The following HAO2 variants were observed in gnomAD, a reference collection of about 807,000 sequenced individuals.
HAO2 encodes the protein 2-Hydroxyacid oxidase 2.
In HAO2, 42 loss-of-function variants were observed where a neutral mutation model predicts 37.4. The observed-to-expected ratio is 1.12, with a 90% confidence interval of 0.88 to 1.45. The LOEUF is 1.45. Among genes scored for constraint, HAO2 ranks in the 40% most tolerant of loss-of-function variants. The probability of loss-of-function intolerance (pLI) is 0.00; values close to 1 mark genes in which losing one functional copy is unlikely to be tolerated. For missense variants in HAO2, 476 were observed against 430.2 expected (o/e 1.11, Z -0.94); for synonymous variants, 180 against 162.8 (o/e 1.11, Z -0.81).
At position 119,392,780 on chromosome 1, in the gene HAO2, ATGTGGTAGC is replaced by A. The variant is rs139001921; in HGVS notation, c.1000+97_1000+105del. 2.5e-3 allele frequency: 2,048 copies of A among 828,674 alleles called. 33 individuals carry two copies. The African/African-American group carries it at 0.031, about 13-fold the overall frequency. The allele number at this position is 828,674 out of a possible 1,614,324, so 51.3% of individuals were successfully genotyped here. A position where few individuals can be genotyped will look rare whatever the true frequency, so the allele number is the denominator to read the frequency against. Reference sequence around the variant, plus strand: ...CTTCCCTCTAGCAGACCCTTTCCTGATGTGGTAGCTGTCCAAAAGATAGGACAGGCAGGC... The same window carrying A: ...CTTCCCTCTAGCAGACCCTTTCCTGATGTCCAAAAGATAGGACAGGCAGGC... On this transcript the variant is annotated intron_variant, in intron 7 of 7. Coordinates refer to ENST00000325945, the MANE Select transcript of HAO2 (RefSeq NM_016527.4).
chr1:119,381,654 T>G (rs1649953982), intron 2 of HAO2, among the ~76,000 whole-genome samples: 1 of 151,882 alleles, frequency 6.6e-6, no homozygotes, highest in African/African-American at 2.4e-5. Context: ...AATAAGAGAT[T>G]GAGTCAGGGG....
At chr1:119,381,278 A>T in intron 2 of HAO2, 62 bp downstream of exon 2, 1 of 1,167,036 alleles carries the variant, frequency 8.6e-7, no homozygotes, top group Non-Finnish European at 1.3e-6. Flanking sequence ...AGCAACTTGG[A>T]CAGTAGTAGT....
At chr1:119,383,913 G>A (rs1233430486) in intron 3 of HAO2, among the ~76,000 whole-genome samples, 1 of 152,170 alleles carries the variant, frequency 6.6e-6, no homozygotes, top group Non-Finnish European at 1.5e-5. Flanking sequence ...TATCCTATAT[G>A]AATGTGACTA....
chr1:119,376,332 G>T (rs1401745056), intron 1 of HAO2, among the ~76,000 whole-genome samples: 1 of 152,178 alleles, frequency 6.6e-6, no homozygotes, highest in Non-Finnish European at 1.5e-5. Flanking sequence ...TCACATCCAG[G>T]TCACACTGAT....
Position 119,384,897 on chromosome 1 carries a change from G to T in HAO2, c.405G>T (p.Leu135=). The T allele has an allele frequency of 1.2e-6, 2 of 1,614,010 alleles. No homozygotes were observed. Among genetic ancestry groups the T allele is most frequent in the Non-Finnish European group, 1.7e-6 (2 of 1,179,890 alleles). The change falls in exon 4 of 8, where the codon CTG becomes CTT. Residue 135 remains leucine (L), a synonymous_variant. Transcript: ENST00000325945. ...RWFQLYVHPD[L]QLNKQLIQRV... ...TCCAACTCTATGTGCATCCAGACCTGCAGCTGAACAAACAGTTGATCCAGA... is the reference window on the plus strand; with the variant it reads ...TCCAACTCTATGTGCATCCAGACCTTCAGCTGAACAAACAGTTGATCCAGA...
chr1:119,384,715 G>T, intron 3 of HAO2, 61 bp from the exon 4 acceptor site: 2 of 1,448,152 alleles, frequency 1.4e-6, no homozygotes, highest in South Asian at 1.3e-5. Flanking sequence ...GACTCCCAAG[G>T]TTTTCAGCCC....
chr1:119,370,105 G>A (rs959659678), intron 1 of HAO2: 16 of 152,154 alleles, frequency 1.1e-4, no homozygotes, highest in African/African-American at 3.9e-4. Context: ...TGAGGATGGA[G>A]GATCGCTGTA....
chr1:119,370,185 T>C (rs1034494602), intron 1 of HAO2: 4 of 152,176 alleles, frequency 2.6e-5, no homozygotes, highest in African/African-American at 9.7e-5. Context: ...ACACCTGCTA[T>C]TCCCACTCCC....
At chr1:119,388,863 G>A (rs1396987467) in intron 5 of HAO2, among the ~76,000 whole-genome samples, 1 of 151,218 alleles carries the variant, frequency 6.6e-6, no homozygotes, top group African/African-American at 2.4e-5. Flanking sequence ...TGAGATTTTG[G>A]TGCAACCATC....
At chr1:119,380,149 G>T (rs1281858263) in intron 1 of HAO2, among the ~76,000 whole-genome samples, 1 of 152,126 alleles carries the variant, frequency 6.6e-6, no homozygotes, top group East Asian at 1.9e-4. Context: ...TCTCATGCAG[G>T]AGCTCTACAT....
chr1:119,381,227 C>T lies in HAO2; in HGVS notation c.131+11C>T, dbSNP rs1313624478. 6.2e-7 allele frequency: 1 copy of T among 1,601,168 alleles called. No homozygotes were observed. Among genetic ancestry groups the T allele is most frequent in the African/African-American group, 1.3e-5 (1 of 74,796 alleles). On this transcript the variant is annotated intron_variant, in intron 2 of 7. Coordinates refer to ENST00000325945, the MANE Select transcript of HAO2 (RefSeq NM_016527.4). ...TGCAGCATTTAAAAGGTGTGGTCTT[C>T]TGTAGCCTGTCTATTGTTAGGTTAA...
At chr1:119,381,277 G>T (rs903625428) in intron 2 of HAO2, 61 bp downstream of exon 2, 28 of 1,166,106 alleles carry the variant, frequency 2.4e-5, no homozygotes, top group Non-Finnish European at 3.4e-5. Context: ...GAGCAACTTG[G>T]ACAGTAGTAG....
intron 4 of HAO2, 108 bp from the exon 5 acceptor site, chr1:119,386,514 C>T: frequency 1.4e-6 from 1 of 723,076 alleles, no homozygotes; most frequent in South Asian, 1.6e-5. Flanking sequence ...CCCTGTTCTT[C>T]CTCCTTCCAG....
rs1166347589 is a variant in HAO2 at position 119,369,736 on chromosome 1, G to A, written c.-9+834G>A. Among the ~76,000 whole-genome samples the A allele has an allele frequency of 3.3e-5, 5 of 152,150 alleles. No individual in the cohort carries two copies. The South Asian group carries it at 1.0e-3, about 32-fold the overall frequency. On this transcript the variant is annotated intron_variant, in intron 1 of 7. Coordinates refer to ENST00000325945, the MANE Select transcript of HAO2 (RefSeq NM_016527.4). ...TGGTATATCATTTGAGAGGTAATGGGAATATTGCCAAATTCCCAGGTAACT... is the reference window on the plus strand; with the variant it reads ...TGGTATATCATTTGAGAGGTAATGGAAATATTGCCAAATTCCCAGGTAACT...
intron 2 of HAO2, among the ~76,000 whole-genome samples, chr1:119,382,087 A>G (rs1356122198): frequency 1.3e-5 from 2 of 152,176 alleles, no homozygotes; most frequent in African/African-American, 2.4e-5. Flanking sequence ...GGAGCCCTAT[A>G]TTCTGTATTT....
At chr1:119,385,472 C>T in intron 4 of HAO2, 1 of 778,320 alleles carries the variant, frequency 1.3e-6, no homozygotes, top group African/African-American at 1.9e-5. Context: ...AGGGGATGTT[C>T]ATGACCAAAG....
chr1:119,383,417 C>T (rs1184417784), intron 3 of HAO2, among the ~76,000 whole-genome samples: 19 of 152,038 alleles, frequency 1.2e-4, no homozygotes, highest in Admixed American at 1.2e-3. Flanking sequence ...CCCTCTTTGG[C>T]CCCTGATGGG....
At chr1:119,386,931 T>G in intron 5 of HAO2, 100 bp downstream of exon 5, 1 of 763,206 alleles carries the variant, frequency 1.3e-6, no homozygotes. Flanking sequence ...TGAGCATATT[T>G]CACTCCTCTG....
intron 5 of HAO2, 84 bp downstream of exon 5, chr1:119,386,915 G>A: frequency 1.2e-6 from 1 of 840,032 alleles, no homozygotes; most frequent in Non-Finnish European, 2.1e-6. Flanking sequence ...GGGACTCTGT[G>A]AAATCTGAGC....
Sources: gnomAD v4.1 joint callset for allele counts (sites outside exome capture counted in the v4.1 genomes callset) on GRCh38, gnomAD v4.1.1 for gene constraint, MANE v1.5 for transcripts, NCBI Gene and HGNC (gene_info 2026-07-23, HGNC 2026-07-21) for gene names.